BRI3: variants seen among roughly 807,000 people sequenced by gnomAD.
BRI3 encodes membrane protein BRI3.
A neutral mutation model predicts 12.8 loss-of-function variants in BRI3; 6 were observed. The observed-to-expected ratio is 0.47, with a 90% CI of 0.26 to 0.93. The LOEUF is 0.93. Ranked by LOEUF, BRI3 falls within the 40% of genes least tolerant of loss-of-function variation. BRI3 has a pLI of 0.15. For missense variants in BRI3, 134 were observed against 171.1 expected (o/e 0.78, Z 1.21); for synonymous variants, 91 against 76.1 (o/e 1.20, Z -1.02).
Position 98,291,211 on chromosome 7 carries a change from C to A in BRI3, c.346C>A (p.Arg116=). 4 of 1,613,684 alleles carry A rather than the reference C, an allele frequency of 2.5e-6. No individual in the cohort carries two copies. Among genetic ancestry groups the A allele is most frequent in the Non-Finnish European group, 3.4e-6 (4 of 1,180,050 alleles). The change falls in exon 3 of 3, where the codon CGA becomes AGA. Residue 116 remains arginine (R), a synonymous_variant. Transcript: ENST00000297290. ...FICCFALRKR[R]CPNCGATFA ...TTGCTGTTTTGCCTTGAGGAAGCGA[C>A]GATGCCCCAACTGTGGAGCCACCTT...
chr7:98,313,672 G>C (rs1800961655), downstream of BRI3, among the ~76,000 whole-genome samples: 1 of 152,134 alleles, frequency 6.6e-6, no homozygotes, highest in Non-Finnish European at 1.5e-5. Context: ...AGGCTGGAGT[G>C]CACTGGCACA....
At chr7:98,303,327 AAAGC>A (rs1800503006), upstream of BRI3, among the ~76,000 whole-genome samples, 1 of 152,098 alleles carries the variant, frequency 6.6e-6, no homozygotes, top group South Asian at 2.1e-4. Context: ...CCTTCGCCCC[AAAGC>A]AAGACAGCTC....
In BRI3 at chr7:98,290,988, C is replaced by G. The variant is rs75068952; in HGVS notation, c.246-123C>G. On this transcript the variant is annotated intron_variant, in intron 2 of 2. Coordinates refer to ENST00000297290, the MANE Select transcript of BRI3 (RefSeq NM_015379.5). ...GGGTGGGGGGCTGTTTTCTGTCACT[C>G]GCCAGAGGTCCCCATGTGACTCATG... 1.1e-3 allele frequency: 1,248 copies of G among 1,155,162 alleles called. 12 individuals carry two copies. In the African/African-American group the frequency reaches 0.017, roughly 15 times the overall value. The allele number at this position is 1,155,162 out of a possible 1,614,324, so 71.6% of individuals were successfully genotyped here. A position where few individuals can be genotyped will look rare whatever the true frequency, so the allele number is the denominator to read the frequency against.
chr7:98,305,047 G>GTTTTTTTTT (rs59633894), upstream of BRI3, among the ~76,000 whole-genome samples: 478 of 100,226 alleles, frequency 4.8e-3, 2 homozygotes, highest in East Asian at 0.014. Flanking sequence ...TTTGTTTTTT[G>GTTTTTTTTT]TTTTTTTTTT....
intron 2 of BRI3, among the ~76,000 whole-genome samples, chr7:98,288,929 T>A (rs988007972): frequency 6.6e-6 from 1 of 152,002 alleles, no homozygotes; most frequent in Non-Finnish European, 1.5e-5. Flanking sequence ...CTGAGTAGGC[T>A]AGAGGGAGGC....
At chr7:98,307,489 C>T in intron 1 of BRI3, 3 of 1,429,114 alleles carry the variant, frequency 2.1e-6, no homozygotes, top group Non-Finnish European at 2.7e-6. Context: ...ACTATGCATG[C>T]ACCAAATGTA....
At chr7:98,300,441 T>A (rs1562964057) in intron 1 of BRI3, among the ~76,000 whole-genome samples, 1 of 152,218 alleles carries the variant, frequency 6.6e-6, no homozygotes, top group Non-Finnish European at 1.5e-5. Context: ...CTCCCCGCAA[T>A]GCTTTTGCAG....
At chr7:98,282,998 G>A (rs1210216472) in intron 2 of BRI3, 3 of 153,270 alleles carry the variant, frequency 2.0e-5, no homozygotes, top group Non-Finnish European at 1.5e-5. Flanking sequence ...TGGAAACCCC[G>A]TGTTTCTTTG....
At position 98,291,333 on chromosome 7, in the gene BRI3, G is replaced by A. The variant is rs1799944142; in HGVS notation, c.*90G>A. 2.6e-6 allele frequency: 4 copies of A among 1,567,900 alleles called. No individual in the cohort carries two copies. Among genetic ancestry groups the A allele is most frequent in the Non-Finnish European group, 3.5e-6 (4 of 1,155,268 alleles). On this transcript the variant is annotated 3_prime_UTR_variant, in exon 3 of 3. Transcript: ENST00000297290. ...ATAATTTTATTTGATTAAGCTTCAG[G>A]ACTGTTTTGTAAAGCGAGGTGGGAC...
At chr7:98,304,273 C>G (rs140375412), upstream of BRI3, 2 of 1,613,532 alleles carry the variant, frequency 1.2e-6, no homozygotes, top group Admixed American at 1.7e-5. Flanking sequence ...CTCCTGTCGG[C>G]AGCTGCCCCC....
At position 98,281,822 on chromosome 7, in the gene BRI3, G is replaced by T; in HGVS notation, c.27G>T (p.Glu9Asp). 7.9e-7 allele frequency: 1 copy of T among 1,258,418 alleles called. No individual in the cohort carries two copies. Among genetic ancestry groups the T allele is most frequent in the Non-Finnish European group, 1.0e-6 (1 of 998,794 alleles). 78.0% of individuals were successfully genotyped at this position (1,258,418 alleles called of 1,614,324 possible). The change falls in exon 1 of 3, where the codon GAG (glutamate) becomes GAT (aspartate). Residue 9 changes from glutamate to aspartate, a missense_variant. Coordinates refer to ENST00000297290, the MANE Select transcript of BRI3 (RefSeq NM_015379.5). Reference protein sequence around the residue: MDHKPLLQERPPAYNLEAG... With the variant: MDHKPLLQDRPPAYNLEAG... ...TGGACCACAAGCCGCTGCTGCAGGA[G>T]CGGCCGCCCGCCTACAACCTGGAGG...
exon 2 of BRI3, chr7:98,310,117 C>T: frequency 4.5e-6 from 1 of 222,606 alleles, no homozygotes; most frequent in South Asian, 6.0e-5. Context: ...TCCCAAAGGG[C>T]TGGGATTACA....
At chr7:98,318,197 C>T in the BRI3 span, among the ~76,000 whole-genome samples, 4 of 152,308 alleles carry the variant, frequency 2.6e-5, no homozygotes, top group African/African-American at 4.8e-5. Flanking sequence ...GAGGAGCCCC[C>T]GACCAGAAGC....
At chr7:98,320,534 T>C in the BRI3 span, among the ~76,000 whole-genome samples, 4 of 152,236 alleles carry the variant, frequency 2.6e-5, no homozygotes, top group South Asian at 6.2e-4. Flanking sequence ...CAGGGTTTCA[T>C]CGTGTTGGCC....
chr7:98,308,191 A>T, exon 2 of BRI3: 1 of 565,904 alleles, frequency 1.8e-6, no homozygotes, highest in Non-Finnish European at 3.4e-6. Context: ...GTTGATCTGC[A>T]CTGCTTTAGC....
rs576619290 is a variant in BRI3 at position 98,290,227 on chromosome 7, C to T, written c.246-884C>T. Among the ~76,000 whole-genome samples, 25 of 137,862 alleles carry T rather than the reference C, an allele frequency of 1.8e-4. No individual in the cohort carries two copies. In the South Asian group the frequency reaches 2.5e-3, roughly 14 times the overall value. The allele number at this position is 137,862 out of a possible 152,430, so 90.4% of individuals were successfully genotyped here. A position where few individuals can be genotyped will look rare whatever the true frequency, so the allele number is the denominator to read the frequency against. ...TTTTTGAGACGGAGTCTCGCTCTGT[C>T]GCCCAGGCCGGACTGTGGACTGCAG... On this transcript the variant is annotated intron_variant, in intron 2 of 2. Transcript: ENST00000297290.
chr7:98,308,372 C>T (rs1321612788), exon 2 of BRI3: 2 of 439,754 alleles, frequency 4.5e-6, no homozygotes, highest in Admixed American at 2.4e-5. Context: ...CTCAGCTTCT[C>T]ACCCCCAGGC....
At chr7:98,289,767 G>A (rs144158736) in intron 2 of BRI3, among the ~76,000 whole-genome samples, 45 of 152,328 alleles carry the variant, frequency 3.0e-4, no homozygotes, top group Non-Finnish European at 5.4e-4. Flanking sequence ...TTTCAGCTGT[G>A]TCCAGAACTT....
chr7:98,306,793 G>C, intron 1 of BRI3: 1 of 427,370 alleles, frequency 2.3e-6, no homozygotes, highest in Non-Finnish European at 4.3e-6. Flanking sequence ...CAGCAGCCTC[G>C]AACTCATGGG....
Sources: allele counts gnomAD v4.1 joint callset (sites outside exome capture counted in the v4.1 genomes callset), GRCh38; gene constraint gnomAD v4.1.1; transcripts MANE v1.5; gene names NCBI Gene and HGNC (gene_info 2026-07-23, HGNC 2026-07-21).